The following KMT2A variants were observed in gnomAD, a reference collection of about 807,000 sequenced individuals.
KMT2A encodes histone-lysine N-methyltransferase 2A.
Under a neutral mutation model 345.3 loss-of-function variants are expected in KMT2A, and 16 were observed. That is an observed-to-expected ratio of 0.05 (90% CI 0.03 to 0.07). The LOEUF (loss-of-function observed/expected upper bound fraction) is 0.07. Among genes scored for constraint, KMT2A ranks in the 10% least tolerant of loss-of-function variants. The pLI is 1.00. For missense variants in KMT2A, 3,272 were observed against 4,841.6 expected (o/e 0.68, Z 9.62); for synonymous variants, 1,599 against 1,778.6 (o/e 0.90, Z 2.54).
At chr11:118,507,719 G>A in intron 28 of KMT2A, 110 bp downstream of exon 28, 1 of 820,354 alleles carries the variant, frequency 1.2e-6, no homozygotes, top group Non-Finnish European at 2.0e-6. Flanking sequence ...AATCCTAGTA[G>A]TCTGGGAGGC....
chr11:118,507,458 G>C (rs1220988452), intron 27 of KMT2A, 71 bp from the exon 28 acceptor site: 1 of 1,347,596 alleles, frequency 7.4e-7, no homozygotes, highest in South Asian at 1.2e-5. Context: ...CATTTCTTTC[G>C]ACTCACCTCC....
Position 118,473,855 on chromosome 11 carries a change from T to G in KMT2A, c.2696T>G (p.Ile899Ser). The change falls in exon 3 of 36, where the codon ATT becomes AGT. Residue 899 changes from isoleucine to serine, a missense_variant. By Grantham distance (142) the Ile-to-Ser change is moderately radical (BLOSUM62 -2). Around this residue, in one of 27 missense-constraint regions of KMT2A, gnomAD observed 209 missense variants for 237.4 expected, o/e 0.88. Coordinates refer to ENST00000534358, the MANE Select transcript of KMT2A (RefSeq NM_001197104.2). This position sits in a 1 kb window ranked among gnomAD's most constrained non-coding sequence, Gnocchi z 5.2. Reference sequence around the variant, plus strand: ...GAGAAAAGGAAAAAGGGATCAGAAATTCAGAGTAGTTCTGCTTTGTATCCT... The same window carrying G: ...GAGAAAAGGAAAAAGGGATCAGAAAGTCAGAGTAGTTCTGCTTTGTATCCT... ...RKEKRKKGSE[I>S]QSSSALYPVG... 1 of 1,614,024 alleles carries G rather than the reference T, an allele frequency of 6.2e-7. No individual in the cohort carries two copies. Among genetic ancestry groups the G allele is most frequent in the Non-Finnish European group, 8.5e-7 (1 of 1,179,980 alleles).
At chr11:118,456,229 G>A (rs1394165948) in intron 1 of KMT2A, among the ~76,000 whole-genome samples, 9 of 152,070 alleles carry the variant, frequency 5.9e-5, no homozygotes, top group African/African-American at 2.2e-4. Context: ...GCCATGCATG[G>A]TGGCTAACAC....
chr11:118,468,912 C>CACA (rs1281734994), intron 2 of KMT2A, 68 bp downstream of exon 2: 1 of 1,228,888 alleles, frequency 8.1e-7, no homozygotes, highest in African/African-American at 1.5e-5. Context: ...TTCCTCTTGC[C>CACA]TTCTTTACAT....
At chr11:118,439,890 C>G (rs1217194212) in intron 1 of KMT2A, among the ~76,000 whole-genome samples, 1 of 150,916 alleles carries the variant, frequency 6.6e-6, no homozygotes, top group African/African-American at 2.4e-5. Flanking sequence ...AGTGGTAAAC[C>G]TCTGAGCTGG....
In KMT2A at chr11:118,495,885, C is replaced by G. The variant is rs772645105; in HGVS notation, c.5549C>G (p.Pro1850Arg). 2 of 1,603,560 alleles carry G rather than the reference C, an allele frequency of 1.2e-6. No individual in the cohort carries two copies. The highest frequency in any genetic ancestry group is 2.2e-5 in the East Asian group (1 of 44,712). Reference protein sequence around the residue: ...SPTPLHPPTPPILSTDRSRED... With the variant: ...SPTPLHPPTPRILSTDRSRED... ...ACTCCTCTGCATCCTCCTACACCAC[C>G]AATTTTGAGTAAGCCACCAAAAGGA... is the stretch of plus-strand genomic sequence containing the variant. Residue 1850 changes from proline to arginine, a missense_variant, in exon 19 of 36, where the codon CCA becomes CGA. Physicochemically the swap from Pro to Arg is moderately radical, Grantham distance 103. Transcript: ENST00000534358. The surrounding 1 kb of genome is among the most constrained non-coding windows in gnomAD (Gnocchi z 4.1).
rs782495804 is a variant in KMT2A, at chr11:118,503,555, T to C, written c.7663T>C (p.Ser2555Pro). 2.5e-6 allele frequency: 4 copies of C among 1,613,846 alleles called. No homozygotes were observed. In the South Asian group the frequency reaches 3.3e-5, roughly 13 times the overall value. Reference protein sequence around the residue: ...SSPASPLQIESTSPTEPISAS... With the variant: ...SSPASPLQIEPTSPTEPISAS... ...TCCTGCTTCCCCTTTGCAAATAGAGTCAACATCTCCCACAGAACCAATTTC... is the reference window on the plus strand; with the variant it reads ...TCCTGCTTCCCCTTTGCAAATAGAGCCAACATCTCCCACAGAACCAATTTC... The change falls in exon 27 of 36, where the codon TCA (serine) becomes CCA (proline). Residue 2555 changes from serine (S) to proline (P), a missense_variant. By Grantham distance (74) the Ser-to-Pro change is moderately conservative. Coordinates refer to ENST00000534358, the MANE Select transcript of KMT2A (RefSeq NM_001197104.2). This position sits in a 1 kb window ranked among gnomAD's most constrained non-coding sequence, Gnocchi z 5.3.
chr11:118,485,939 C>T lies in KMT2A; in HGVS notation c.4332+964C>T, dbSNP rs181122034. ...CTATTAAAAATACAAAAAAATTAGC[C>T]GGGTGTGGTGGCGGGCGCCTGTAGT... On this transcript the variant is annotated intron_variant, in intron 10 of 35. Coordinates refer to ENST00000534358, the MANE Select transcript of KMT2A (RefSeq NM_001197104.2). 7.2e-3 allele frequency among the ~76,000 whole-genome samples: 1,100 copies of T among 152,146 alleles called. 17 individuals are homozygous for T. Among genetic ancestry groups the T allele is most frequent in the African/African-American group, 0.024 (1,010 of 41,534 alleles).
At chr11:118,507,794 T>C in intron 28 of KMT2A, 185 bp downstream of exon 28, 1 of 524,954 alleles carries the variant, frequency 1.9e-6, no homozygotes, top group Admixed American at 3.1e-5. Context: ...ACCCCGTCTC[T>C]ACTAAAAATA....
At position 118,502,805 on chromosome 11, in the gene KMT2A, T is replaced by C; in HGVS notation, c.6913T>C (p.Ser2305Pro). The C allele has an allele frequency of 6.2e-7, 1 of 1,614,194 alleles. No individual in the cohort carries two copies. The highest frequency in any genetic ancestry group is 8.5e-7 in the Non-Finnish European group (1 of 1,180,038). The change falls in exon 27 of 36, where the codon TCT (serine) becomes CCT (proline). Residue 2305 changes from serine (S) to proline (P), a missense_variant. Physicochemically the swap from Ser to Pro is moderately conservative, Grantham distance 74 (BLOSUM62 -1). Transcript: ENST00000534358. The surrounding 1 kb of genome is among the most constrained non-coding windows in gnomAD (Gnocchi z 4.9). ...TTCAGACTTGGTGTCCAAGAGCTCC[T>C]CTTTAAAGGGAGAGAAGACCAAAGT... ...SASDLVSKSS[S>P]LKGEKTKVLS...
rs553919297 is a variant in KMT2A, at chr11:118,457,462, A to G, written c.433-11313A>G. 2.8e-4 allele frequency among the ~76,000 whole-genome samples: 42 copies of G among 151,180 alleles called. 2 individuals carry two copies. The South Asian group carries it at 7.6e-3, about 27-fold the overall frequency. ...TTTTTTTGTATTTTTTAGTAGAGAC[A>G]GGGTTTCACCATGTTGGCCAAGCTG... is the stretch of plus-strand genomic sequence containing the variant. On this transcript the variant is annotated intron_variant, in intron 1 of 35. Transcript: ENST00000534358.
intron 1 of KMT2A, among the ~76,000 whole-genome samples, chr11:118,461,432 A>T (rs1336377449): frequency 6.6e-6 from 1 of 152,246 alleles, no homozygotes; most frequent in Non-Finnish European, 1.5e-5. Flanking sequence ...TGGAAGCTAA[A>T]TATGAGTTAA....
chr11:118,480,047 T>G (rs1193726911), intron 5 of KMT2A, 127 bp from the exon 6 acceptor site: 1 of 722,996 alleles, frequency 1.4e-6, no homozygotes, highest in Non-Finnish European at 2.3e-6. Flanking sequence ...TGAGCAGTCC[T>G]TTTTTCAACT....
intron 8 of KMT2A, among the ~76,000 whole-genome samples, chr11:118,482,764 AAAGAAG>A (rs45545941): frequency 1.3e-4 from 19 of 146,028 alleles, no homozygotes; most frequent in South Asian, 4.3e-4. Context: ...AAAAAAAAAA[AAAGAAG>A]AAGAAGAAGA....
intron 1 of KMT2A, among the ~76,000 whole-genome samples, chr11:118,461,668 A>T (rs1223071379): frequency 1.3e-5 from 2 of 152,214 alleles, no homozygotes; most frequent in Admixed American, 6.5e-5. Flanking sequence ...CTAGTCATGT[A>T]TAGCATGATG....
chr11:118,480,841 T>C (rs1950118651), intron 6 of KMT2A, among the ~76,000 whole-genome samples: 1 of 151,992 alleles, frequency 6.6e-6, no homozygotes, highest in African/African-American at 2.4e-5. Flanking sequence ...TTTTGTAAAT[T>C]TTTTTTGCAG....
chr11:118,500,791 G>A, intron 24 of KMT2A, 196 bp from the exon 25 acceptor site: 1 of 411,214 alleles, frequency 2.4e-6, no homozygotes, highest in Non-Finnish European at 4.4e-6. Context: ...TTTTCTGAGA[G>A]GCTAAGAAAA....
chr11:118,452,111 CATGT>C (rs1949552009), intron 1 of KMT2A, among the ~76,000 whole-genome samples: 1 of 152,092 alleles, frequency 6.6e-6, no homozygotes, highest in Admixed American at 6.5e-5. Flanking sequence ...GCATAATCAT[CATGT>C]ATTACAGACT....
rs1949459057 is a variant in KMT2A at position 118,448,093 on chromosome 11, A to C, written c.432+11149A>C. The C allele has an allele frequency of 2.0e-5, 3 of 152,898 alleles. 1 individual carries two copies. Among genetic ancestry groups the C allele is most frequent in the African/African-American group, 4.8e-5 (2 of 41,456 alleles). The allele number at this position is 152,898 out of a possible 1,614,324, so 9.5% of individuals were successfully genotyped here. ...ACTTTCCAGTAGGAAGCTTCCAGAG[A>C]TATTTCTTTAGGAAGTAATGGTTTT... is the stretch of plus-strand genomic sequence containing the variant. On this transcript the variant is annotated intron_variant, in intron 1 of 35. Coordinates refer to ENST00000534358, the MANE Select transcript of KMT2A (RefSeq NM_001197104.2).
Sources: allele counts gnomAD v4.1 joint callset (sites outside exome capture counted in the v4.1 genomes callset), GRCh38; gene constraint gnomAD v4.1.1; regional missense constraint gnomAD v4.1.1; non-coding constraint Gnocchi (gnomAD v3.1); transcripts MANE v1.5; gene names NCBI Gene and HGNC (gene_info 2026-07-23, HGNC 2026-07-21).